The following RBFOX1 variants were observed in gnomAD, a reference collection of about 807,000 sequenced individuals.
RBFOX1 encodes the protein RNA binding protein fox-1 homolog 1.
Under a neutral mutation model 57.7 loss-of-function variants are expected in RBFOX1, and 8 were observed. The ratio of observed to expected loss-of-function variants is 0.14; its 90% CI spans 0.08 to 0.25. The LOEUF (loss-of-function observed/expected upper bound fraction) is 0.25, where lower values mean the gene tolerates loss of function less well. Among genes scored for constraint, RBFOX1 ranks in the 10% least tolerant of loss-of-function variants. The pLI is 1.00. For missense variants in RBFOX1, 611 were observed against 548.5 expected, an observed-to-expected ratio of 1.11 and a Z score of -1.14; for synonymous variants, 326 against 222.4, an observed-to-expected ratio of 1.47 and a Z score of -4.15.
intron 3 of RBFOX1, among the ~76,000 whole-genome samples, chr16:5,808,633 A>T (rs1375698595): frequency 2.0e-5 from 3 of 152,232 alleles, no homozygotes. Context: ...GAGGTCCTTT[A>T]CGTCCCTTGT....
chr16:6,419,393 T>G (rs769276671), intron 2 of RBFOX1, among the ~76,000 whole-genome samples: 5 of 152,208 alleles, frequency 3.3e-5, no homozygotes, highest in Non-Finnish European at 7.3e-5. Flanking sequence ...TTGTTCATTC[T>G]TGATTCATCA....
intron 1 of RBFOX1, among the ~76,000 whole-genome samples, chr16:5,344,622 G>A (rs1024250769): frequency 1.3e-5 from 2 of 152,000 alleles, no homozygotes; most frequent in Non-Finnish European, 2.9e-5. Flanking sequence ...CGGCTGTGAG[G>A]ACATCCTGAC....
At chr16:5,685,702 T>G (rs2050483353) in intron 3 of RBFOX1, among the ~76,000 whole-genome samples, 2 of 152,182 alleles carry the variant, frequency 1.3e-5, no homozygotes, top group African/African-American at 2.4e-5. Flanking sequence ...AAAAAGGATA[T>G]CTCAGGAGGT....
chr16:6,035,455 A>T (rs1301313722), intron 1 of RBFOX1, among the ~76,000 whole-genome samples: 1 of 152,164 alleles, frequency 6.6e-6, no homozygotes, highest in African/African-American at 2.4e-5. Context: ...GCCCAACAAG[A>T]CTTTGTCTTT....
At chr16:6,891,715 C>A (rs1241647225) in intron 3 of RBFOX1, among the ~76,000 whole-genome samples, 2 of 152,242 alleles carry the variant, frequency 1.3e-5, no homozygotes, top group East Asian at 3.9e-4. Flanking sequence ...TTTTATTCAT[C>A]TGAACGTGGA....
At chr16:5,813,773 A>G (rs1347711292) in intron 3 of RBFOX1, among the ~76,000 whole-genome samples, 1 of 152,200 alleles carries the variant, frequency 6.6e-6, no homozygotes, top group East Asian at 1.9e-4. Context: ...TTTGTTAGCT[A>G]TTGAGATTTC....
intron 4 of RBFOX1, among the ~76,000 whole-genome samples, chr16:7,372,280 C>T (rs2097581037): frequency 6.6e-6 from 1 of 152,150 alleles, no homozygotes; most frequent in Non-Finnish European, 1.5e-5. Flanking sequence ...CTTCAGATCC[C>T]ATGAGAGCGG....
rs75223862 is a variant in RBFOX1, at chr16:6,458,882, G to A, written c.-64+141825G>A. ...TTGTGTTTCCCAGAATTACTGGAGG[G>A]TTAGGTCACTCTCCTCTGGGGACAG... On this transcript the variant is annotated intron_variant, in intron 2 of 15. Coordinates refer to ENST00000550418, the MANE Select transcript of RBFOX1 (RefSeq NM_018723.4). 7.4e-3 allele frequency among the ~76,000 whole-genome samples: 1,127 copies of A among 152,330 alleles called. 5 individuals carry two copies. Among genetic ancestry groups the A allele is most frequent in the Middle Eastern group, 0.044 (13 of 294 alleles).
intron 4 of RBFOX1, among the ~76,000 whole-genome samples, chr16:5,907,116 T>C (rs374024362): frequency 3.3e-5 from 5 of 152,186 alleles, no homozygotes; most frequent in South Asian, 2.1e-4. Flanking sequence ...GTGTACGCAT[T>C]TGGTGGATGA....
At chr16:5,293,671 T>C (rs779821949) in intron 1 of RBFOX1, among the ~76,000 whole-genome samples, 1 of 152,112 alleles carries the variant, frequency 6.6e-6, no homozygotes, top group Non-Finnish European at 1.5e-5. Flanking sequence ...GTATGTTACA[T>C]GATTCCATTT....
At chr16:6,996,007 A>G (rs1344366345) in intron 3 of RBFOX1, among the ~76,000 whole-genome samples, 2 of 152,236 alleles carry the variant, frequency 1.3e-5, no homozygotes, top group African/African-American at 4.8e-5. Context: ...TATAGCATAC[A>G]AATCTAAACT....
intron 2 of RBFOX1, among the ~76,000 whole-genome samples, chr16:6,463,870 C>T (rs978966948): frequency 3.3e-5 from 5 of 152,076 alleles, no homozygotes; most frequent in African/African-American, 7.2e-5. Flanking sequence ...CTAGCTCTCG[C>T]GCCCACCATG....
At chr16:7,426,008 G>T (rs986621158) in intron 4 of RBFOX1, among the ~76,000 whole-genome samples, 3 of 152,176 alleles carry the variant, frequency 2.0e-5, no homozygotes. Context: ...TTTGTTCAAG[G>T]CGGCATCTGG....
At chr16:5,784,150 G>A (rs1397555507) in intron 3 of RBFOX1, among the ~76,000 whole-genome samples, 4 of 152,196 alleles carry the variant, frequency 2.6e-5, no homozygotes, top group South Asian at 2.1e-4. Flanking sequence ...AGCCGGGCGC[G>A]GTGGCTCACG....
At chr16:5,516,042 A>C (rs894285201) in intron 2 of RBFOX1, among the ~76,000 whole-genome samples, 1 of 152,180 alleles carries the variant, frequency 6.6e-6, no homozygotes, top group Non-Finnish European at 1.5e-5. Flanking sequence ...CTGTTTCCCA[A>C]GGTAGCTAGT....
intron 3 of RBFOX1, among the ~76,000 whole-genome samples, chr16:7,029,077 TATATACACACACACAC>T (rs1295452930): frequency 4.5e-5 from 2 of 44,590 alleles, no homozygotes; most frequent in Non-Finnish European, 6.6e-5. Flanking sequence ...TATATATATA[TATATACACACACACAC>T]ACACACACAC....
chr16:7,001,350 G>C (rs1465161820), intron 3 of RBFOX1, among the ~76,000 whole-genome samples: 4 of 151,880 alleles, frequency 2.6e-5, no homozygotes, highest in African/African-American at 9.7e-5. Flanking sequence ...GACTCTGTGT[G>C]TGTGTGTTTG....
chr16:6,894,684 C>T (rs997809487), intron 3 of RBFOX1, among the ~76,000 whole-genome samples: 3 of 152,144 alleles, frequency 2.0e-5, no homozygotes, highest in Admixed American at 6.5e-5. Flanking sequence ...CTGATAGCCT[C>T]GACCTCACTA....
chr16:7,439,770 C>T (rs544202135), intron 4 of RBFOX1, among the ~76,000 whole-genome samples: 6 of 152,120 alleles, frequency 3.9e-5, no homozygotes, highest in Admixed American at 2.0e-4. Context: ...GAGCATCTAC[C>T]GCCAAATTTA....
Sources: gnomAD v4.1 joint callset for allele counts (sites outside exome capture counted in the v4.1 genomes callset) on GRCh38, gnomAD v4.1.1 for gene constraint, MANE v1.5 for transcripts, NCBI Gene and HGNC (gene_info 2026-07-23, HGNC 2026-07-21) for gene names.